The following SMG5 variants were observed in gnomAD, a reference collection of about 807,000 sequenced individuals.
SMG5 encodes the protein SMG5 nonsense mediated mRNA decay factor, also known as nonsense-mediated mRNA decay factor SMG5.
A neutral mutation model predicts 122.9 loss-of-function variants in SMG5; 53 were observed. That is an observed-to-expected ratio of 0.43 (90% CI 0.35 to 0.54). The LOEUF is 0.54. Ranked by LOEUF, SMG5 falls within the 20% of genes least tolerant of loss-of-function variation. The probability of loss-of-function intolerance (pLI) is 0.01; values close to 1 mark genes in which losing one functional copy is unlikely to be tolerated. For missense variants in SMG5, 1,153 were observed against 1,285.6 expected (o/e 0.90, Z 1.58); for synonymous variants, 477 against 490.2 (o/e 0.97, Z 0.35).
chr1:156,258,523 C>T (rs988323840), intron 16 of SMG5, among the ~76,000 whole-genome samples: 1 of 152,216 alleles, frequency 6.6e-6, no homozygotes, highest in African/African-American at 2.4e-5. Flanking sequence ...TCAGGCCAGG[C>T]GTGGTGGCTC....
intron 13 of SMG5, among the ~76,000 whole-genome samples, 198 bp from the exon 14 acceptor site, chr1:156,261,606 G>A (rs187235685): frequency 6.6e-6 from 1 of 152,250 alleles, no homozygotes; most frequent in East Asian, 1.9e-4. Context: ...TAGCTGGGCT[G>A]GCTGGGCACG....
intron 13 of SMG5, among the ~76,000 whole-genome samples, chr1:156,262,143 T>G (rs946174043): frequency 1.3e-5 from 2 of 151,826 alleles, no homozygotes; most frequent in Non-Finnish European, 2.9e-5. Context: ...GCAGATCACT[T>G]GAGGTCAAGA....
At chr1:156,276,959 T>G in intron 4 of SMG5, 126 bp downstream of exon 4, 8 of 890,084 alleles carry the variant, frequency 9.0e-6, no homozygotes, top group South Asian at 1.8e-5. Context: ...TCATAAACCA[T>G]TTGTATGTAG....
At chr1:156,260,861 C>G (rs991167570) in intron 14 of SMG5, among the ~76,000 whole-genome samples, 2 of 152,194 alleles carry the variant, frequency 1.3e-5, no homozygotes, top group African/African-American at 4.8e-5. Context: ...GGAAGGCTTC[C>G]TGACAGCAGG....
At chr1:156,251,056 A>C in intron 20 of SMG5, 60 bp from the exon 21 acceptor site, 1 of 1,583,600 alleles carries the variant, frequency 6.3e-7, no homozygotes, top group Non-Finnish European at 8.6e-7. Flanking sequence ...CAGCCCAAAC[A>C]CCAGGATCTC....
rs1424858570 is a variant in SMG5 at position 156,253,075 on chromosome 1, C to T, written c.2506G>A (p.Glu836Lys). The T allele has an allele frequency of 9.4e-6, 15 of 1,601,534 alleles. No individual in the cohort carries two copies. Among genetic ancestry groups the T allele is most frequent in the Non-Finnish European group, 1.2e-5 (14 of 1,173,648 alleles). ...AGGCTGCCCTCCAGCTGAGACACTT[C>T]GAGCTGGTGAGAGAGGGCAAGGTGG... ...RDMAQLRLQL[E>K]VSQLEGSLQQ... The change falls in exon 18 of 22, where the codon GAA becomes AAA. Residue 836 changes from glutamate to lysine, a missense_variant. By Grantham distance (56) the Glu-to-Lys change is moderately conservative. This residue lies in a region of SMG5 where 140 missense variants were observed against 227.8 expected (regional missense o/e 0.61). Coordinates refer to ENST00000361813, the MANE Select transcript of SMG5 (RefSeq NM_015327.3).
At chr1:156,271,566 GTTTTTTTTTTT>G (rs755111375) in intron 7 of SMG5, among the ~76,000 whole-genome samples, 1 of 82,286 alleles carries the variant, frequency 1.2e-5, no homozygotes, top group Non-Finnish European at 2.2e-5. Flanking sequence ...CCCTGAAGAG[GTTTTTTTTTTT>G]TTTTTTTTTT....
At position 156,261,985 on chromosome 1, in the gene SMG5, C is replaced by A. The variant is rs147841713; in HGVS notation, c.2032-577G>T. The stretch of plus-strand genomic sequence containing the variant: ...GCTCAGTTGGGAGGATTGCTTGAGC[C>A]CAGGAGGTCGAGGCTGCAGTGGAGC... On this transcript the variant is annotated intron_variant, in intron 13 of 21. Coordinates refer to ENST00000361813, the MANE Select transcript of SMG5 (RefSeq NM_015327.3). Among the ~76,000 whole-genome samples the A allele has an allele frequency of 4.6e-5, 7 of 152,064 alleles. No homozygotes were observed. The East Asian group carries it at 1.4e-3, about 29-fold the overall frequency.
chr1:156,285,504 G>A, upstream of SMG5: 1 of 1,614,176 alleles, frequency 6.2e-7, no homozygotes, highest in Non-Finnish European at 8.5e-7. Flanking sequence ...GATCCCCCTG[G>A]CTGGCGGGAC....
rs758557275 is a variant in SMG5, at chr1:156,263,387, T to G, written c.2031+8A>C. On this transcript the variant is annotated splice_region_variant and intron_variant, in intron 13 of 21. Coordinates refer to ENST00000361813, the MANE Select transcript of SMG5 (RefSeq NM_015327.3). ...ACCTGACAGGGGCAATGGAGTGGAC[T>G]GACACACCTGCGCACACACGATGAT... 1 of 1,607,948 alleles carries G rather than the reference T, an allele frequency of 6.2e-7. No individual in the cohort carries two copies. Among genetic ancestry groups the G allele is most frequent in the Admixed American group, 1.7e-5 (1 of 59,792 alleles).
At position 156,282,789 on chromosome 1, in the gene SMG5, G is replaced by A. The variant is rs918341265; in HGVS notation, c.-109C>T. The A allele has an allele frequency of 4.1e-6, 5 of 1,232,358 alleles. No homozygotes were observed. The highest frequency in any genetic ancestry group is 5.5e-6 in the Non-Finnish European group (5 of 912,452). 76.3% of individuals were successfully genotyped at this position (1,232,358 alleles called of 1,614,324 possible). A position where few individuals can be genotyped will look rare whatever the true frequency, so the allele number is the denominator to read the frequency against. On this transcript the variant is annotated 5_prime_UTR_variant, in exon 1 of 22. The change creates a premature stop within an existing upstream ORF in the 5' untranslated region. Coordinates refer to ENST00000361813, the MANE Select transcript of SMG5 (RefSeq NM_015327.3). Reference sequence around the variant, plus strand: ...CGCAGCCGCCGCCGCCACCGGCCCTGCTCGGCCGCCATCGCTGTGAGGCGG... The same window carrying A: ...CGCAGCCGCCGCCGCCACCGGCCCTACTCGGCCGCCATCGCTGTGAGGCGG...
In SMG5 at chr1:156,250,381, G is replaced by A. The variant is rs947998178; in HGVS notation, c.*206C>T. 25 of 584,438 alleles carry A rather than the reference G, an allele frequency of 4.3e-5. No homozygotes were observed. Among genetic ancestry groups the A allele is most frequent in the African/African-American group, 1.1e-4 (6 of 53,704 alleles). 36.2% of individuals were successfully genotyped at this position (584,438 alleles called of 1,614,324 possible). ...CTCTCCTAATCCAAGCACTTTCCTC[G>A]CTTTCCTAACGTCTTGGCAACAAAG... On this transcript the variant is annotated 3_prime_UTR_variant, in exon 22 of 22. Transcript: ENST00000361813.
At chr1:156,286,423 G>C (rs762765250), upstream of SMG5, 10 of 1,614,212 alleles carry the variant, frequency 6.2e-6, no homozygotes, top group Non-Finnish European at 8.5e-6. Context: ...ACCTGCCCCA[G>C]GATACCCTCA....
intron 12 of SMG5, among the ~76,000 whole-genome samples, chr1:156,264,560 G>A (rs1662028001): frequency 6.6e-6 from 1 of 152,178 alleles, no homozygotes; most frequent in African/African-American, 2.4e-5. Flanking sequence ...AGGACTGGAG[G>A]CTGCAGAGGT....
At chr1:156,287,637 A>T (rs1371213125), upstream of SMG5, among the ~76,000 whole-genome samples, 1 of 118,058 alleles carries the variant, frequency 8.5e-6, no homozygotes. Flanking sequence ...TTTTTGAGAC[A>T]GTGTTTCACT....
At chr1:156,286,410 C>G (rs1410874806), upstream of SMG5, 1 of 1,614,100 alleles carries the variant, frequency 6.2e-7, no homozygotes, top group Non-Finnish European at 8.5e-7. Flanking sequence ...GTGCTTTCCA[C>G]TTACCTGCCC....
intron 7 of SMG5, 126 bp downstream of exon 7, chr1:156,272,194 C>G: frequency 1.2e-6 from 1 of 834,854 alleles, no homozygotes; most frequent in Non-Finnish European, 1.9e-6. Context: ...AATGGAGAGA[C>G]CCTTCAATCT....
intron 7 of SMG5, 126 bp from the exon 8 acceptor site, chr1:156,268,541 C>G (rs565124051): frequency 4.8e-6 from 6 of 1,238,724 alleles, no homozygotes; most frequent in Non-Finnish European, 6.7e-6. Flanking sequence ...CATGTACATA[C>G]GCAGGGTAAA....
At chr1:156,267,977 G>T in intron 9 of SMG5, 138 bp downstream of exon 9, 1 of 924,740 alleles carries the variant, frequency 1.1e-6, no homozygotes, top group Non-Finnish European at 1.7e-6. Context: ...AGTGAGGAAT[G>T]CCAAGAAAGG....
Sources: allele counts gnomAD v4.1 joint callset (sites outside exome capture counted in the v4.1 genomes callset), GRCh38; gene constraint gnomAD v4.1.1; regional missense constraint gnomAD v4.1.1; transcripts MANE v1.5; gene names NCBI Gene and HGNC (gene_info 2026-07-23, HGNC 2026-07-21).